Variants in XKR4 observed in about 807,000 individuals in gnomAD.
The protein encoded by XKR4 is XK related 4.
Under a neutral mutation model 53.9 loss-of-function variants are expected in XKR4, and 12 were observed. That is an observed-to-expected ratio of 0.22 (90% CI 0.14 to 0.36). The LOEUF is 0.36. Ranked by LOEUF, XKR4 falls within the 10% of genes least tolerant of loss-of-function variation. The pLI is 1.00. For missense variants in XKR4, 799 were observed against 859.5 expected (o/e 0.93, Z 0.88); for synonymous variants, 354 against 362.4 (o/e 0.98, Z 0.26).
At chr8:55,301,824 C>T (rs1040229876) in intron 1 of XKR4, among the ~76,000 whole-genome samples, 2 of 152,112 alleles carry the variant, frequency 1.3e-5, no homozygotes, top group Admixed American at 1.3e-4. Flanking sequence ...ATATCCTTTG[C>T]CCACTTTTTG....
At chr8:55,515,372 A>G (rs557016389) in intron 2 of XKR4, among the ~76,000 whole-genome samples, 2 of 152,344 alleles carry the variant, frequency 1.3e-5, no homozygotes, top group Admixed American at 1.3e-4. Flanking sequence ...CACTGCACTC[A>G]GCAAAGATCT....
intron 2 of XKR4, chr8:55,454,584 C>T: frequency 7.0e-7 from 1 of 1,429,116 alleles, no homozygotes; most frequent in Non-Finnish European, 9.6e-7. Flanking sequence ...TCTGGATGAC[C>T]TGCCGGTCAC....
At chr8:55,133,144 T>A (rs1021371051) in intron 1 of XKR4, among the ~76,000 whole-genome samples, 2 of 152,190 alleles carry the variant, frequency 1.3e-5, no homozygotes, top group Admixed American at 1.3e-4. Flanking sequence ...TCTAAATTCA[T>A]GTTCAAGAAA....
At position 55,102,258 on chromosome 8, in the gene XKR4, C is replaced by A; in HGVS notation, c.-231C>A. 2 of 351,252 alleles carry A rather than the reference C, an allele frequency of 5.7e-6. No homozygotes were observed. The highest frequency in any genetic ancestry group is 7.9e-6 in the Non-Finnish European group (2 of 253,224). 21.8% of individuals were successfully genotyped at this position (351,252 alleles called of 1,614,324 possible). ...CGCGAGCAGCTTGGCTCCGCGCAGG[C>A]AGCCAGGCGGCGCTCCTGCCGGCCC... On this transcript the variant is annotated 5_prime_UTR_variant, in exon 1 of 3. Transcript: ENST00000327381. The surrounding 1 kb of genome is among the most constrained non-coding windows in gnomAD (Gnocchi z 5.1).
At chr8:55,185,087 A>G (rs1354825563) in intron 1 of XKR4, among the ~76,000 whole-genome samples, 4 of 152,226 alleles carry the variant, frequency 2.6e-5, no homozygotes, top group African/African-American at 9.6e-5. Flanking sequence ...ACATAAACTG[A>G]TCTGAGCCAT....
intron 2 of XKR4, among the ~76,000 whole-genome samples, chr8:55,435,557 T>A: frequency 6.9e-6 from 1 of 144,128 alleles, no homozygotes; most frequent in East Asian, 2.3e-4. Context: ...AACCTCTTTT[T>A]TTTTTTATTT....
In XKR4 at chr8:55,524,729, C is replaced by T. The variant is rs1326426706; in HGVS notation, c.*502C>T. 6.5e-6 allele frequency: 1 copy of T among 152,960 alleles called. No individual in the cohort carries two copies. Among genetic ancestry groups the T allele is most frequent in the Non-Finnish European group, 1.5e-5 (1 of 68,734 alleles). 9.5% of individuals were successfully genotyped at this position (152,960 alleles called of 1,614,324 possible). On this transcript the variant is annotated 3_prime_UTR_variant, in exon 3 of 3. Coordinates refer to ENST00000327381, the MANE Select transcript of XKR4 (RefSeq NM_052898.2). ...AAAACAAAGAAAGAGGGAAACATCC[C>T]TCGAGAAAAAAAATAGTATTGCTTA...
intron 1 of XKR4, among the ~76,000 whole-genome samples, chr8:55,199,911 C>T (rs79059662): frequency 1.3e-5 from 2 of 152,100 alleles, no homozygotes; most frequent in Admixed American, 1.3e-4. Flanking sequence ...GATGAAGAAA[C>T]CAAAGCTTAA....
rs1160751667 is a variant in XKR4 at position 55,457,741 on chromosome 8, T to C, written c.1007-65540T>C. ...AGACCCCCTTTTCCACTTACTTTCC[T>C]TTTGAAAATAGACATTTTAAACAAT... On this transcript the variant is annotated intron_variant, in intron 2 of 2. Coordinates refer to ENST00000327381, the MANE Select transcript of XKR4 (RefSeq NM_052898.2). 8.2e-4 allele frequency among the ~76,000 whole-genome samples: 125 copies of C among 152,230 alleles called. 1 individual carries two copies. Among genetic ancestry groups the C allele is most frequent in the Non-Finnish European group, 1.0e-4 (7 of 68,048 alleles).
intron 2 of XKR4, among the ~76,000 whole-genome samples, chr8:55,427,049 A>C (rs954029284): frequency 4.6e-5 from 7 of 152,238 alleles, no homozygotes; most frequent in Admixed American, 3.9e-4. Context: ...CACATATAAA[A>C]TATGGTAATT....
At chr8:55,326,549 C>T (rs1008416362) in intron 1 of XKR4, among the ~76,000 whole-genome samples, 6 of 143,038 alleles carry the variant, frequency 4.2e-5, no homozygotes, top group African/African-American at 1.6e-4. Flanking sequence ...CGGCTCACTG[C>T]AACCTCCACC....
chr8:55,257,571 T>C (rs1307341991), intron 1 of XKR4, among the ~76,000 whole-genome samples: 2 of 152,178 alleles, frequency 1.3e-5, no homozygotes, highest in African/African-American at 4.8e-5. Context: ...GAAAACCCTA[T>C]AGCAGTATGT....
intron 2 of XKR4, among the ~76,000 whole-genome samples, chr8:55,479,365 C>A (rs1484972103): frequency 6.6e-6 from 1 of 151,854 alleles, no homozygotes; most frequent in East Asian, 1.9e-4. Flanking sequence ...AACAAAGACA[C>A]AACATACCAG....
At chr8:55,476,309 G>A (rs1805982869) in intron 2 of XKR4, among the ~76,000 whole-genome samples, 1 of 152,072 alleles carries the variant, frequency 6.6e-6, no homozygotes, top group African/African-American at 2.4e-5. Context: ...TCTTTAGGAA[G>A]CAGTACCTGG....
At chr8:55,400,864 C>A (rs1202430818) in intron 2 of XKR4, among the ~76,000 whole-genome samples, 1 of 152,174 alleles carries the variant, frequency 6.6e-6, no homozygotes, top group Non-Finnish European at 1.5e-5. Context: ...AAGAGCCTCT[C>A]TCTCCAGGAA....
chr8:55,422,894 G>T (rs575066910), intron 2 of XKR4, among the ~76,000 whole-genome samples: 2 of 152,174 alleles, frequency 1.3e-5, no homozygotes, highest in Non-Finnish European at 2.9e-5. Flanking sequence ...GAAGATAAAT[G>T]GGTGATGGAT....
intron 1 of XKR4, among the ~76,000 whole-genome samples, chr8:55,199,969 AC>A (rs1182282789): frequency 2.6e-5 from 4 of 152,088 alleles, no homozygotes; most frequent in African/African-American, 7.2e-5. Flanking sequence ...AAGGTGTAGA[AC>A]CTTGTAGCAG....
chr8:55,236,701 T>A (rs1818132583), intron 1 of XKR4, among the ~76,000 whole-genome samples: 3 of 152,138 alleles, frequency 2.0e-5, no homozygotes, highest in Admixed American at 2.0e-4. Flanking sequence ...CTCCTCCCCA[T>A]TTCCTGAGCA....
intron 2 of XKR4, among the ~76,000 whole-genome samples, chr8:55,421,984 A>G (rs904167702): frequency 6.6e-6 from 1 of 152,182 alleles, no homozygotes; most frequent in Non-Finnish European, 1.5e-5. Context: ...ACCAAGGAGA[A>G]GCTGTATTGA....
Sources: allele counts gnomAD v4.1 joint callset (sites outside exome capture counted in the v4.1 genomes callset), GRCh38; gene constraint gnomAD v4.1.1; non-coding constraint Gnocchi (gnomAD v3.1); transcripts MANE v1.5; gene names NCBI Gene and HGNC (gene_info 2026-07-23, HGNC 2026-07-21).